Variants in FRK observed in about 807,000 individuals in gnomAD.
FRK encodes the protein tyrosine-protein kinase FRK.
A neutral mutation model predicts 56.4 loss-of-function variants in FRK; 51 were observed. The ratio of observed to expected loss-of-function variants is 0.90; its 90% CI spans 0.72 to 1.14. The LOEUF (loss-of-function observed/expected upper bound fraction) is 1.14. Ranked by LOEUF, FRK falls within the 50% of genes most tolerant of loss-of-function variation. The pLI, the probability that FRK is intolerant of heterozygous loss-of-function variation, is 0.00. For missense variants in FRK, 570 were observed against 601.4 expected (o/e 0.95, Z 0.55); for synonymous variants, 245 against 217.9 (o/e 1.12, Z -1.10).
chr6:116,032,450 A>G (rs1776336112), intron 1 of FRK, among the ~76,000 whole-genome samples: 1 of 152,026 alleles, frequency 6.6e-6, no homozygotes, highest in Non-Finnish European at 1.5e-5. Context: ...TCATTACAGA[A>G]TAAGTATAGA....
At chr6:116,084,265 T>C in the FRK span, among the ~76,000 whole-genome samples, 1 of 152,306 alleles carries the variant, frequency 6.6e-6, no homozygotes, top group African/African-American at 2.4e-5. Context: ...AACCAATGTG[T>C]ATAAGTATTG....
chr6:115,960,457 G>A (rs1394204929), intron 4 of FRK, among the ~76,000 whole-genome samples: 2 of 150,258 alleles, frequency 1.3e-5, no homozygotes, highest in Non-Finnish European at 3.0e-5. Flanking sequence ...AGGCGGCAGC[G>A]AGGCTGGGGG....
chr6:115,982,577 A>G (rs1457052928), intron 2 of FRK, among the ~76,000 whole-genome samples: 1 of 152,148 alleles, frequency 6.6e-6, no homozygotes, highest in Non-Finnish European at 1.5e-5. Context: ...CCTTAGTTAC[A>G]GCCTGCACTT....
chr6:116,068,395 A>G, the FRK span, among the ~76,000 whole-genome samples: 1 of 152,212 alleles, frequency 6.6e-6, no homozygotes. Context: ...AAAAGAAAAA[A>G]AAAAGATGCC....
chr6:116,008,850 G>A (rs1250144321), intron 1 of FRK, among the ~76,000 whole-genome samples: 6 of 152,116 alleles, frequency 3.9e-5, no homozygotes, highest in African/African-American at 9.7e-5. Context: ...AGAGTCATAC[G>A]GATCAGTGAT....
chr6:116,014,741 G>A (rs186838539), intron 1 of FRK, among the ~76,000 whole-genome samples: 57 of 152,110 alleles, frequency 3.7e-4, no homozygotes, highest in African/African-American at 1.3e-3. Flanking sequence ...AGCAATATGA[G>A]GGAAAAAATG....
At chr6:116,011,278 A>G (rs958933743) in intron 1 of FRK, among the ~76,000 whole-genome samples, 3 of 152,204 alleles carry the variant, frequency 2.0e-5, no homozygotes, top group Non-Finnish European at 4.4e-5. Context: ...TAGGTAACTC[A>G]TAATTCTTAT....
At chr6:116,089,951 G>A in the FRK span, among the ~76,000 whole-genome samples, 1 of 152,118 alleles carries the variant, frequency 6.6e-6, no homozygotes, top group Non-Finnish European at 1.5e-5. Flanking sequence ...TTGAGTCCCT[G>A]TCTCACAATG....
rs34026302 is a variant in FRK, at chr6:115,953,180, A to ACTTTTTTTTTT, written c.958+3271_958+3272insAAAAAAAAAAG. Among the ~76,000 whole-genome samples, 4 of 104,032 alleles carry ACTTTTTTTTTT rather than the reference A, an allele frequency of 3.8e-5. 1 individual carries two copies. The highest frequency in any genetic ancestry group is 3.7e-5 in the Non-Finnish European group (2 of 54,686). The allele number at this position is 104,032 out of a possible 152,430, so 68.2% of individuals were successfully genotyped here. On this transcript the variant is annotated intron_variant, in intron 5 of 7. Transcript: ENST00000606080. Reference sequence around the variant, plus strand: ...AGAGTGGTACATCCATTTTAAGGCCATTTTTTTTTTTTTTTTTTTTTTTTT... The same window carrying ACTTTTTTTTTT: ...AGAGTGGTACATCCATTTTAAGGCCACTTTTTTTTTTTTTTTTTTTTTTTTTTTTTTTTTTT...
chr6:115,979,771 T>C (rs1774129145), intron 2 of FRK, among the ~76,000 whole-genome samples: 1 of 152,176 alleles, frequency 6.6e-6, no homozygotes, highest in South Asian at 2.1e-4. Flanking sequence ...ACAAATACTA[T>C]TGTGTTACAG....
In FRK at chr6:116,060,358, T is replaced by C; in HGVS notation, c.-47A>G. The C allele has an allele frequency of 2.1e-6, 3 of 1,460,958 alleles. No homozygotes were observed. The highest frequency in any genetic ancestry group is 2.8e-6 in the Non-Finnish European group (3 of 1,061,394). The allele number at this position is 1,460,958 out of a possible 1,614,324, so 90.5% of individuals were successfully genotyped here. A position where few individuals can be genotyped will look rare whatever the true frequency, so the allele number is the denominator to read the frequency against. On this transcript the variant is annotated 5_prime_UTR_variant, in exon 1 of 8. Coordinates refer to ENST00000606080, the MANE Select transcript of FRK (RefSeq NM_002031.3). The stretch of plus-strand genomic sequence containing the variant: ...GGAGCAGGGCTTCTCCCTCTCCCCT[T>C]AGTCTCTGCGATCCACCTTATCTTC...
chr6:116,009,966 T>G (rs778942896), intron 1 of FRK, among the ~76,000 whole-genome samples: 47 of 152,184 alleles, frequency 3.1e-4, no homozygotes, highest in Non-Finnish European at 4.9e-4. Flanking sequence ...GGTGGCTCAC[T>G]CCTGTAATCC....
chr6:115,992,958 C>G (rs138871523), intron 2 of FRK, among the ~76,000 whole-genome samples: 2 of 151,726 alleles, frequency 1.3e-5, no homozygotes, highest in East Asian at 3.9e-4. Context: ...AAATAGAGAA[C>G]CAGAAAGGAC....
chr6:116,061,335 GA>G (rs1777615618), upstream of FRK, among the ~76,000 whole-genome samples: 1 of 151,780 alleles, frequency 6.6e-6, no homozygotes, highest in Admixed American at 6.6e-5. Flanking sequence ...AAAATGCTGA[GA>G]ACCCAAAATG....
In FRK at chr6:116,058,105, T is replaced by C. The variant is rs73772218; in HGVS notation, c.344+1863A>G. Among the ~76,000 whole-genome samples, 649 of 152,232 alleles carry C rather than the reference T, an allele frequency of 4.3e-3. 7 individuals carry two copies. The highest frequency in any genetic ancestry group is 0.015 in the African/African-American group (630 of 41,532). ...GTTGAATATATTTAAAACTAACAGATTATGAATTCAAGGCATGAAACATTA... is the reference window on the plus strand; with the variant it reads ...GTTGAATATATTTAAAACTAACAGACTATGAATTCAAGGCATGAAACATTA... On this transcript the variant is annotated intron_variant, in intron 1 of 7. Transcript: ENST00000606080.
rs1365485673 is a variant in FRK, at chr6:115,941,164, TA to T, written c.*1249del. The T allele has an allele frequency of 1.3e-5, 2 of 152,048 alleles. No individual in the cohort carries two copies. Among genetic ancestry groups the T allele is most frequent in the African/African-American group, 2.4e-5 (1 of 41,386 alleles). The allele number at this position is 152,048 out of a possible 1,614,324, so 9.4% of individuals were successfully genotyped here. A position where few individuals can be genotyped will look rare whatever the true frequency, so the allele number is the denominator to read the frequency against. ...GACACTATGGAATACTATGCAGCCA[TA>T]AAAAAGGATGAGTTCATGTCCTTCA... is the stretch of plus-strand genomic sequence containing the variant. On this transcript the variant is annotated 3_prime_UTR_variant, in exon 8 of 8. Transcript: ENST00000606080.
intron 1 of FRK, among the ~76,000 whole-genome samples, chr6:116,022,547 C>G (rs1775911493): frequency 6.6e-6 from 1 of 152,038 alleles, no homozygotes; most frequent in African/African-American, 2.4e-5. Context: ...AAAAGAAAAA[C>G]TATATAATCA....
chr6:115,942,644 A>G lies in FRK; in HGVS notation c.1307-19T>C, dbSNP rs915384705. The G allele has an allele frequency of 6.3e-7, 1 of 1,587,918 alleles. No homozygotes were observed. On this transcript the variant is annotated intron_variant, in intron 7 of 7. Coordinates refer to ENST00000606080, the MANE Select transcript of FRK (RefSeq NM_002031.3). ...GTCATACCTTGAAAATACAGAACGA[A>G]ACCAACAACAACAAAAAAAACAAGT...
chr6:116,007,859 C>A (rs1028971281), intron 1 of FRK, among the ~76,000 whole-genome samples: 2 of 151,738 alleles, frequency 1.3e-5, no homozygotes, highest in African/African-American at 4.9e-5. Context: ...AACAATACAG[C>A]ATTTGAAAGT....
Sources: allele counts gnomAD v4.1 joint callset (sites outside exome capture counted in the v4.1 genomes callset), GRCh38; gene constraint gnomAD v4.1.1; transcripts MANE v1.5; gene names NCBI Gene and HGNC (gene_info 2026-07-23, HGNC 2026-07-21).